Variants in EPB41L4A observed in about 807,000 individuals in gnomAD.
The protein encoded by EPB41L4A is erythrocyte membrane protein band 4.1 like 4A, also known as band 4.1-like protein 4A.
Under a neutral mutation model 108.6 loss-of-function variants are expected in EPB41L4A, and 100 were observed. That is an observed-to-expected ratio of 0.92 (90% CI 0.78 to 1.09). The LOEUF (loss-of-function observed/expected upper bound fraction) is 1.09, where lower values mean the gene tolerates loss of function less well. Ranked by LOEUF, EPB41L4A falls within the 50% of genes least tolerant of loss-of-function variation. EPB41L4A has a pLI of 0.00. For missense variants in EPB41L4A, 1,030 were observed against 842.7 expected (o/e 1.22, Z -2.75); for synonymous variants, 319 against 289.0 (o/e 1.10, Z -1.05).
At chr5:112,304,256 T>C (rs1754552757) in intron 2 of EPB41L4A, among the ~76,000 whole-genome samples, 1 of 152,162 alleles carries the variant, frequency 6.6e-6, no homozygotes, top group South Asian at 2.1e-4. Flanking sequence ...ATTTCCATAT[T>C]CTGAGAAAAG....
chr5:112,297,852 AT>A (rs1450652181), intron 2 of EPB41L4A, among the ~76,000 whole-genome samples: 1 of 152,010 alleles, frequency 6.6e-6, no homozygotes, highest in African/African-American at 2.4e-5. Context: ...ATCCAGTTTC[AT>A]TTTCCATCAT....
At chr5:112,259,386 C>T (rs1192971071) in intron 8 of EPB41L4A, 94 bp from the exon 9 acceptor site, 3 of 985,756 alleles carry the variant, frequency 3.0e-6, no homozygotes, top group Non-Finnish European at 4.9e-6. Flanking sequence ...CTGGTGAATA[C>T]TGGCTCCTTT....
chr5:112,310,572 T>C (rs1346673800), intron 1 of EPB41L4A, among the ~76,000 whole-genome samples: 1 of 152,242 alleles, frequency 6.6e-6, no homozygotes, highest in African/African-American at 2.4e-5. Flanking sequence ...CTTTTTTTGG[T>C]CTTATTCTGT....
chr5:112,169,541 T>C (rs1178171306), intron 20 of EPB41L4A, among the ~76,000 whole-genome samples: 1 of 152,106 alleles, frequency 6.6e-6, no homozygotes, highest in Non-Finnish European at 1.5e-5. Context: ...ATCTTAAGTG[T>C]TCTCTCCATA....
intron 1 of EPB41L4A, among the ~76,000 whole-genome samples, chr5:112,412,462 G>T (rs73218315): frequency 0.034 from 5,141 of 152,270 alleles, 308 homozygotes; most frequent in African/African-American, 0.12. Flanking sequence ...GGAAATACAT[G>T]CATGGCTCAG....
At chr5:112,195,094 G>A (rs1478638287) in intron 16 of EPB41L4A, among the ~76,000 whole-genome samples, 1 of 152,086 alleles carries the variant, frequency 6.6e-6, no homozygotes, top group Non-Finnish European at 1.5e-5. Flanking sequence ...TGAGGTGGAA[G>A]GGATACTATG....
At chr5:112,248,757 G>A (rs938855727) in intron 9 of EPB41L4A, among the ~76,000 whole-genome samples, 5 of 152,078 alleles carry the variant, frequency 3.3e-5, no homozygotes, top group Middle Eastern at 3.2e-3. Context: ...TTCTTCTAAG[G>A]GTACTGGGAT....
chr5:112,267,317 A>T (rs1751932103), intron 4 of EPB41L4A, among the ~76,000 whole-genome samples: 1 of 152,210 alleles, frequency 6.6e-6, no homozygotes, highest in East Asian at 1.9e-4. Flanking sequence ...AAAGGAAATG[A>T]ACTATAATAA....
chr5:112,259,836 G>A, intron 8 of EPB41L4A, 55 bp downstream of exon 8: 2 of 1,236,926 alleles, frequency 1.6e-6, no homozygotes, highest in South Asian at 1.2e-5. Context: ...ACTGACACAG[G>A]AGTCCCATAA....
chr5:112,402,337 CTT>C (rs549184679), intron 1 of EPB41L4A, among the ~76,000 whole-genome samples: 15 of 145,966 alleles, frequency 1.0e-4, no homozygotes, highest in Admixed American at 2.7e-4. Context: ...CCAATTAAAC[CTT>C]TTTTTTTTTT....
At chr5:112,234,864 A>C in intron 11 of EPB41L4A, 109 bp from the exon 12 acceptor site, 1 of 1,203,268 alleles carries the variant, frequency 8.3e-7, no homozygotes, top group South Asian at 1.8e-5. Context: ...AAAAACACAC[A>C]GACTCCCTGG....
chr5:112,322,569 A>C (rs1211354652), intron 1 of EPB41L4A, among the ~76,000 whole-genome samples: 1 of 152,104 alleles, frequency 6.6e-6, no homozygotes, highest in East Asian at 1.9e-4. Context: ...AGAACTGTCT[A>C]ATCCTACCGA....
chr5:112,151,943 G>T (rs1209950654), intron 12 of EPB41L4A, among the ~76,000 whole-genome samples: 5 of 152,070 alleles, frequency 3.3e-5, no homozygotes, highest in African/African-American at 1.2e-4. Context: ...TGTTGGCCAG[G>T]CTGGTCTTGA....
At chr5:112,375,627 A>C (rs970331908) in intron 1 of EPB41L4A, among the ~76,000 whole-genome samples, 1 of 152,354 alleles carries the variant, frequency 6.6e-6, no homozygotes, top group African/African-American at 2.4e-5. Context: ...ATGCTAAATG[A>C]ACTAAGAGAA....
In EPB41L4A at chr5:112,178,072, C is replaced by T. The variant is rs149020138; in HGVS notation, c.1622+5944G>A. 3.6e-3 allele frequency among the ~76,000 whole-genome samples: 544 copies of T among 150,444 alleles called. 1 individual carries two copies. Among genetic ancestry groups the T allele is most frequent in the African/African-American group, 0.013 (520 of 41,036 alleles). ...AAAAAAAACAAAAAGACCAACTGTA[C>T]ACTGTTTACAAGAGGTGGACTTTAA... On this transcript the variant is annotated intron_variant, in intron 18 of 22. Coordinates refer to ENST00000261486, the MANE Select transcript of EPB41L4A (RefSeq NM_022140.5).
rs1054679925 is a variant in EPB41L4A, at chr5:112,256,128, A to C, written c.795+3101T>G. On this transcript the variant is annotated intron_variant, in intron 9 of 22. Transcript: ENST00000261486. ...TTGCCTGGATTTTGAAATAAGCTTAAGTTGTTGAATGAGTAAACAAGTAAC... is the reference window on the plus strand; with the variant it reads ...TTGCCTGGATTTTGAAATAAGCTTACGTTGTTGAATGAGTAAACAAGTAAC... 2.0e-5 allele frequency among the ~76,000 whole-genome samples: 3 copies of C among 152,216 alleles called. No homozygotes were observed. The East Asian group carries it at 5.8e-4, about 29-fold the overall frequency.
intron 12 of EPB41L4A, among the ~76,000 whole-genome samples, chr5:112,216,200 G>T (rs1276059973): frequency 4.6e-5 from 7 of 152,192 alleles, no homozygotes; most frequent in Non-Finnish European, 1.0e-4. Context: ...CTTTATCTGG[G>T]GGCAATTCTT....
At chr5:112,304,676 G>A (rs138635709) in intron 2 of EPB41L4A, among the ~76,000 whole-genome samples, 78 of 150,606 alleles carry the variant, frequency 5.2e-4, no homozygotes, top group Middle Eastern at 3.4e-3. Flanking sequence ...CCTTCATTCC[G>A]CTGATATCAC....
intron 1 of EPB41L4A, among the ~76,000 whole-genome samples, chr5:112,362,808 AT>A: frequency 6.6e-6 from 1 of 152,218 alleles, no homozygotes; most frequent in Non-Finnish European, 1.5e-5. Flanking sequence ...AATAAATGCA[AT>A]ATAAATAATA....
Sources: allele counts gnomAD v4.1 joint callset (sites outside exome capture counted in the v4.1 genomes callset), GRCh38; gene constraint gnomAD v4.1.1; transcripts MANE v1.5; gene names NCBI Gene and HGNC (gene_info 2026-07-23, HGNC 2026-07-21).